Variants in TRMT11 observed in about 807,000 individuals in gnomAD.
The protein encoded by TRMT11 is tRNA (guanine(10)-N(2))-methyltransferase TRMT11.
Under a neutral mutation model 62.8 loss-of-function variants are expected in TRMT11, and 53 were observed. The observed-to-expected ratio is 0.84, with a 90% CI of 0.68 to 1.06. TRMT11 has a LOEUF of 1.06. Among genes scored for constraint, TRMT11 ranks in the 50% least tolerant of loss-of-function variants. TRMT11 has a pLI of 0.00. For synonymous variants in TRMT11, 188 were observed against 190.3 expected (o/e 0.99, Z 0.10); for missense variants, 556 against 553.4 (o/e 1.00, Z -0.05).
rs544433423 is a variant in TRMT11 at position 126,111,872 on chromosome 6, G to A, written c.*1438-994G>A. Among the ~76,000 whole-genome samples, 28 of 152,196 alleles carry A rather than the reference G, an allele frequency of 1.8e-4. No homozygotes were observed. The South Asian group carries it at 5.6e-3, about 30-fold the overall frequency. On this transcript the variant is annotated intron_variant and NMD_transcript_variant, in intron 17 of 22. Transcript: ENST00000648977. ...TAACTTCTCTGCCTCTTGGCTTACTGTATATAAATTGGGTATATGATGCCT... is the reference window on the plus strand; with the variant it reads ...TAACTTCTCTGCCTCTTGGCTTACTATATATAAATTGGGTATATGATGCCT...
At chr6:126,181,372 A>G (rs545371543) in intron 1 of TRMT11, among the ~76,000 whole-genome samples, 2 of 152,104 alleles carry the variant, frequency 1.3e-5, no homozygotes, top group African/African-American at 4.8e-5. Flanking sequence ...TGTTAGTCCC[A>G]CTCCTGTCCT....
chr6:126,002,337 T>C (rs1248327360), intron 7 of TRMT11, among the ~76,000 whole-genome samples: 1 of 152,188 alleles, frequency 6.6e-6, no homozygotes, highest in Non-Finnish European at 1.5e-5. Flanking sequence ...TCCTTACAGA[T>C]TTCCTTTTGA....
At chr6:126,166,482 T>C (rs1478975991) in intron 21 of TRMT11, among the ~76,000 whole-genome samples, 1 of 152,118 alleles carries the variant, frequency 6.6e-6, no homozygotes, top group Non-Finnish European at 1.5e-5. Context: ...ACAACAAAGA[T>C]TGCTGCCTGT....
chr6:126,097,504 A>G (rs1777354455), intron 17 of TRMT11, among the ~76,000 whole-genome samples: 1 of 152,166 alleles, frequency 6.6e-6, no homozygotes, highest in South Asian at 2.1e-4. Flanking sequence ...TTAGGGCAAT[A>G]GTATATAGTG....
chr6:125,986,636 G>T lies in TRMT11; in HGVS notation c.72+14G>T. ...TTCCGCCTGCCGGTGAGTCCGTAGCGCCCTCCGGAACTTCCGACGGAAGAG... is the reference window on the plus strand; with the variant it reads ...TTCCGCCTGCCGGTGAGTCCGTAGCTCCCTCCGGAACTTCCGACGGAAGAG... On this transcript the variant is annotated intron_variant, in intron 1 of 12. Transcript: ENST00000334379. 6.4e-7 allele frequency: 1 copy of T among 1,573,208 alleles called. No homozygotes were observed.
chr6:126,217,395 T>A, the TRMT11 span, among the ~76,000 whole-genome samples: 1 of 152,178 alleles, frequency 6.6e-6, no homozygotes, highest in East Asian at 1.9e-4. Flanking sequence ...TTCCAGGTAT[T>A]TGAAGCGACT....
intron 17 of TRMT11, among the ~76,000 whole-genome samples, chr6:126,110,344 G>T (rs1777516935): frequency 6.6e-6 from 1 of 152,114 alleles, no homozygotes; most frequent in Non-Finnish European, 1.5e-5. Flanking sequence ...GAGAAATATG[G>T]TCTCTTTTCC....
intron 17 of TRMT11, among the ~76,000 whole-genome samples, chr6:126,084,910 G>A (rs1031775048): frequency 2.0e-5 from 3 of 152,128 alleles, no homozygotes; most frequent in Non-Finnish European, 4.4e-5. Context: ...TAGAAGGGTG[G>A]TTACCAGAAA....
intron 1 of TRMT11, among the ~76,000 whole-genome samples, chr6:126,184,682 C>A (rs1346835595): frequency 6.6e-6 from 1 of 152,044 alleles, no homozygotes; most frequent in Non-Finnish European, 1.5e-5. Context: ...TCTTGGGCTC[C>A]CTCAACTGAA....
intron 17 of TRMT11, among the ~76,000 whole-genome samples, chr6:126,093,813 G>A (rs1270788185): frequency 6.6e-6 from 1 of 151,144 alleles, no homozygotes; most frequent in Admixed American, 6.6e-5. Context: ...AAACTAGTAA[G>A]TTAATTTAGC....
At chr6:126,215,349 T>C in the TRMT11 span, among the ~76,000 whole-genome samples, 1 of 152,086 alleles carries the variant, frequency 6.6e-6, no homozygotes, top group Non-Finnish European at 1.5e-5. Flanking sequence ...AATATTTGTT[T>C]TATATATCTA....
chr6:126,046,860 T>C, intron 16 of TRMT11, among the ~76,000 whole-genome samples: 1 of 152,192 alleles, frequency 6.6e-6, no homozygotes, highest in East Asian at 1.9e-4. Context: ...TGTTATATGC[T>C]TGAACTTTTC....
At chr6:126,246,095 A>G in the TRMT11 span, among the ~76,000 whole-genome samples, 1 of 152,140 alleles carries the variant, frequency 6.6e-6, no homozygotes, top group East Asian at 1.9e-4. Flanking sequence ...AGCCTGGGCA[A>G]CATGGTGAAA....
chr6:126,104,902 C>T (rs1035980720), intron 17 of TRMT11, among the ~76,000 whole-genome samples: 4 of 152,070 alleles, frequency 2.6e-5, no homozygotes, highest in Non-Finnish European at 5.9e-5. Context: ...ATCAGATATG[C>T]TTTTCTGCAT....
intron 7 of TRMT11, 120 bp downstream of exon 7, chr6:125,999,733 G>A (rs1792166235): frequency 1.2e-6 from 1 of 825,160 alleles, no homozygotes; most frequent in African/African-American, 1.7e-5. Flanking sequence ...TTTGGATAGT[G>A]GCCAACAGAC....
chr6:126,238,125 C>T, the TRMT11 span, among the ~76,000 whole-genome samples: 81 of 152,036 alleles, frequency 5.3e-4, no homozygotes, highest in Admixed American at 1.3e-3. Context: ...GTCTTGCTAG[C>T]GGTCTATCAA....
At chr6:126,077,660 C>T (rs1777058206) in intron 17 of TRMT11, among the ~76,000 whole-genome samples, 1 of 152,188 alleles carries the variant, frequency 6.6e-6, no homozygotes. Context: ...GTTAGAACAA[C>T]ATCTGTTGTC....
At chr6:126,237,203 T>C in the TRMT11 span, among the ~76,000 whole-genome samples, 1 of 152,146 alleles carries the variant, frequency 6.6e-6, no homozygotes, top group Non-Finnish European at 1.5e-5. Flanking sequence ...TTCAGTGCCC[T>C]ATAAAACTAT....
intron 17 of TRMT11, among the ~76,000 whole-genome samples, chr6:126,107,235 A>G (rs1777474459): frequency 6.6e-6 from 1 of 152,184 alleles, no homozygotes; most frequent in Admixed American, 6.6e-5. Context: ...AAGATGGAAA[A>G]TTTCCTTCCT....
Sources: allele counts gnomAD v4.1 joint callset (sites outside exome capture counted in the v4.1 genomes callset), GRCh38; gene constraint gnomAD v4.1.1; transcripts MANE v1.5; gene names NCBI Gene and HGNC (gene_info 2026-07-23, HGNC 2026-07-21).